The following BDP1 variants were observed in gnomAD, a reference collection of about 807,000 sequenced individuals.
BDP1 encodes the protein BDP1 general transcription factor IIIB subunit.
Under a neutral mutation model 266.6 loss-of-function variants are expected in BDP1, and 169 were observed. The ratio of observed to expected loss-of-function variants is 0.63; its 90% CI spans 0.56 to 0.72. The LOEUF (loss-of-function observed/expected upper bound fraction) is 0.72. Ranked by LOEUF, BDP1 falls within the 30% of genes least tolerant of loss-of-function variation. The pLI, the probability that BDP1 is intolerant of heterozygous loss-of-function variation, is 0.00. For missense variants in BDP1, 3,015 were observed against 3,053.8 expected, an observed-to-expected ratio of 0.99 and a Z score of 0.30; for synonymous variants, 1,090 against 1,022.4, an observed-to-expected ratio of 1.07 and a Z score of -1.26.
At chr5:71,490,479 C>CTTAA (rs1032517158) in intron 10 of BDP1, among the ~76,000 whole-genome samples, 3 of 152,070 alleles carry the variant, frequency 2.0e-5, no homozygotes, top group African/African-American at 7.2e-5. Flanking sequence ...TTTTTACTTG[C>CTTAA]TTAAGTATTG....
intron 3 of BDP1, among the ~76,000 whole-genome samples, chr5:71,462,363 T>G (rs970308557): frequency 3.9e-5 from 6 of 152,240 alleles, no homozygotes; most frequent in Admixed American, 3.9e-4. Flanking sequence ...GGAACACATA[T>G]GTCCTTTTAA....
intron 7 of BDP1, among the ~76,000 whole-genome samples, chr5:71,483,003 A>T (rs1395255530): frequency 6.6e-6 from 1 of 152,256 alleles, no homozygotes; most frequent in Non-Finnish European, 1.5e-5. Flanking sequence ...GAAATACAAG[A>T]AAGTGATTGC....
intron 3 of BDP1, among the ~76,000 whole-genome samples, 190 bp downstream of exon 3, chr5:71,462,116 C>G (rs1037495800): frequency 2.0e-5 from 3 of 152,008 alleles, no homozygotes; most frequent in Non-Finnish European, 4.4e-5. Flanking sequence ...ATGCTCGCCA[C>G]CACACCCGGC....
intron 17 of BDP1, 88 bp downstream of exon 17, chr5:71,511,239 A>G (rs1190324383): frequency 7.7e-7 from 1 of 1,299,154 alleles, no homozygotes; most frequent in African/African-American, 1.5e-5. Context: ...CCTTAAGTCC[A>G]ACAACACTTA....
intron 8 of BDP1, among the ~76,000 whole-genome samples, chr5:71,485,806 G>C (rs1313609955): frequency 2.0e-5 from 3 of 152,134 alleles, no homozygotes; most frequent in African/African-American, 7.2e-5. Context: ...TTGTGATAAA[G>C]GTAGGGCATA....
At chr5:71,501,691 AAAG>A in intron 14 of BDP1, 38 bp downstream of exon 14, 1 of 1,130,070 alleles carries the variant, frequency 8.8e-7, no homozygotes, top group Non-Finnish European at 1.3e-6. Context: ...AAAAAAAAAA[AAAG>A]TAACTCTTAG....
At chr5:71,463,658 CAA>C (rs951910117) in intron 3 of BDP1, among the ~76,000 whole-genome samples, 2 of 151,690 alleles carry the variant, frequency 1.3e-5, no homozygotes, top group Non-Finnish European at 2.9e-5. Context: ...CTCGTCTCTA[CAA>C]AAAATTAAAA....
chr5:71,511,169 CT>C lies in BDP1; in HGVS notation c.4059+21del, dbSNP rs1168103949. 3 of 1,572,204 alleles carry C rather than the reference CT, an allele frequency of 1.9e-6. No individual in the cohort carries two copies. The highest frequency in any genetic ancestry group is 2.6e-6 in the Non-Finnish European group (3 of 1,164,622). On this transcript the variant is annotated intron_variant, in intron 17 of 38. Coordinates refer to ENST00000358731, the MANE Select transcript of BDP1 (RefSeq NM_018429.3). Reference sequence around the variant, plus strand: ...ATATTCAGGTATGTATTTTTCTGTCCTTTAAAAGTTTTTTGAATGCTTTTTT... The same window carrying C: ...ATATTCAGGTATGTATTTTTCTGTCCTTAAAAGTTTTTTGAATGCTTTTTT...
At chr5:71,537,169 AAAAG>A (rs1766669188) in intron 26 of BDP1, among the ~76,000 whole-genome samples, 1 of 151,042 alleles carries the variant, frequency 6.6e-6, no homozygotes, top group South Asian at 2.2e-4. Context: ...AAAAAAAAAA[AAAAG>A]AACCAGAACC....
intron 2 of BDP1, 113 bp downstream of exon 2, chr5:71,458,968 C>T: frequency 1.0e-6 from 1 of 959,140 alleles, no homozygotes; most frequent in South Asian, 1.7e-5. Flanking sequence ...CACATAACAT[C>T]CCTTAGTCAA....
chr5:71,489,233 G>A lies in BDP1; in HGVS notation c.1214-171G>A, dbSNP rs140384810. On this transcript the variant is annotated intron_variant, in intron 9 of 38. Coordinates refer to ENST00000358731, the MANE Select transcript of BDP1 (RefSeq NM_018429.3). ...TTACCTCATTATTATTATTGGCTCC[G>A]TGGATTTTTATATATTATTTAGTCA... Among the ~76,000 whole-genome samples the A allele has an allele frequency of 6.2e-3, 949 of 152,050 alleles. 15 individuals carry two copies. The highest frequency in any genetic ancestry group is 0.022 in the African/African-American group (906 of 41,466).
At chr5:71,558,351 A>C (rs1454949165) in intron 36 of BDP1, among the ~76,000 whole-genome samples, 2 of 151,446 alleles carry the variant, frequency 1.3e-5, no homozygotes, top group Non-Finnish European at 2.9e-5. Flanking sequence ...GCGAAACCCC[A>C]TCTCTACTAA....
intron 7 of BDP1, among the ~76,000 whole-genome samples, chr5:71,481,035 G>A (rs1272392604): frequency 6.6e-6 from 1 of 152,070 alleles, no homozygotes; most frequent in Non-Finnish European, 1.5e-5. Flanking sequence ...TTAGCCAGGC[G>A]TGGTGGCGTG....
At chr5:71,531,942 AC>A (rs1223834687) in intron 25 of BDP1, among the ~76,000 whole-genome samples, 2 of 152,202 alleles carry the variant, frequency 1.3e-5, no homozygotes, top group Non-Finnish European at 2.9e-5. Context: ...ATCTTATTTG[AC>A]TTTATATCCC....
At chr5:71,546,617 CAAAAAAAAAAAAA>C (rs70992980) in intron 32 of BDP1, among the ~76,000 whole-genome samples, 23 of 57,770 alleles carry the variant, frequency 4.0e-4, no homozygotes, top group African/African-American at 1.6e-3. Context: ...GACTCTGTCT[CAAAAAAAAAAAAA>C]AAAAAAAAAA....
At position 71,513,237 on chromosome 5, in the gene BDP1, G is replaced by T. The variant is rs372011634; in HGVS notation, c.4300G>T (p.Val1434Leu). The stretch of plus-strand genomic sequence containing the variant: ...ACTTGAAATTAAACCAGCACCTTTT[G>T]TGAGGAGCCGATTCAAAAGACCAAA... ...KPLEIKPAPF[V>L]RSRFKRPKPN... The change falls in exon 19 of 39, where the codon GTG (valine) becomes TTG (leucine). Residue 1434 changes from valine to leucine, a missense_variant. Transcript: ENST00000358731. 1 of 1,613,818 alleles carries T rather than the reference G, an allele frequency of 6.2e-7. No individual in the cohort carries two copies. Among genetic ancestry groups the T allele is most frequent in the South Asian group, 1.1e-5 (1 of 91,054 alleles).
rs1765374890 is a variant in BDP1 at position 71,519,184 on chromosome 5, T to A, written c.4991+1732T>A. ...GCTTTTTGTCTTAAAAAGCCTTAAA[T>A]TTTTTTTTGATATATAATAGTTATA... On this transcript the variant is annotated intron_variant, in intron 22 of 38. Transcript: ENST00000358731. 2.6e-5 allele frequency among the ~76,000 whole-genome samples: 4 copies of A among 151,746 alleles called. No individual in the cohort carries two copies. The South Asian group carries it at 6.3e-4, about 24-fold the overall frequency.
At chr5:71,502,879 A>G in intron 15 of BDP1, 88 bp downstream of exon 15, 1 of 863,430 alleles carries the variant, frequency 1.2e-6, no homozygotes, top group East Asian at 2.5e-5. Flanking sequence ...ACTTACATAC[A>G]TACATACATA....
chr5:71,530,444 A>C (rs969778354), intron 25 of BDP1, among the ~76,000 whole-genome samples: 3 of 151,778 alleles, frequency 2.0e-5, no homozygotes, highest in African/African-American at 7.3e-5. Flanking sequence ...GGGTTTTACC[A>C]TGTTGTCCAG....
Sources: gnomAD v4.1 joint callset for allele counts (sites outside exome capture counted in the v4.1 genomes callset) on GRCh38, gnomAD v4.1.1 for gene constraint, MANE v1.5 for transcripts, NCBI Gene and HGNC (gene_info 2026-07-23, HGNC 2026-07-21) for gene names.